The following MSH5 variants were observed in gnomAD, a reference collection of about 807,000 sequenced individuals.
MSH5 encodes the protein mutS homolog 5, also known as mutS protein homolog 5.
MSH5 carries 78 observed loss-of-function variants against 107.7 expected under a neutral mutation model. The observed-to-expected ratio is 0.72, with a 90% CI of 0.60 to 0.87. The LOEUF (loss-of-function observed/expected upper bound fraction) is 0.87. Ranked by LOEUF, MSH5 falls within the 40% of genes least tolerant of loss-of-function variation. The pLI is 0.00. For missense variants in MSH5, 889 were observed against 1,046.6 expected (o/e 0.85, Z 2.08); for synonymous variants, 326 against 399.5 (o/e 0.82, Z 2.19).
At chr6:31,754,012 C>T (rs1261704315) in intron 12 of MSH5, 2 of 183,108 alleles carry the variant, frequency 1.1e-5, no homozygotes, top group African/African-American at 4.7e-5. Context: ...AGGTGTGAAC[C>T]ACCAGGCCCG....
intron 10 of MSH5, 87 bp from the exon 11 acceptor site, chr6:31,753,214 C>T: frequency 3.3e-6 from 5 of 1,495,198 alleles, no homozygotes; most frequent in Non-Finnish European, 4.5e-6. Flanking sequence ...CCACAATCCC[C>T]AGGGACTGCA....
In MSH5 at chr6:31,761,340, G is replaced by A; in HGVS notation, c.2037+78G>A. The A allele has an allele frequency of 6.2e-7, 1 of 1,604,754 alleles. No homozygotes were observed. Among genetic ancestry groups the A allele is most frequent in the South Asian group, 1.1e-5 (1 of 90,742 alleles). On this transcript the variant is annotated intron_variant, in intron 21 of 24. Transcript: ENST00000375750. This position sits in a 1 kb window ranked among gnomAD's most constrained non-coding sequence, Gnocchi z 5.3. ...GATGAAGGAGCATGACAGTGAGGCT[G>A]GGCCTCTGGAATGGAATAGGGCTGT...
chr6:31,741,058 G>A, intron 2 of MSH5, 105 bp from the exon 3 acceptor site: 1 of 1,407,464 alleles, frequency 7.1e-7, no homozygotes. Flanking sequence ...GGGTGATGAT[G>A]CCTATCTCAG....
Position 31,743,099 on chromosome 6 carries a change from C to G in MSH5, c.353-9C>G. The G allele has an allele frequency of 6.2e-7, 1 of 1,612,936 alleles. No individual in the cohort carries two copies. Among genetic ancestry groups the G allele is most frequent in the Non-Finnish European group, 8.5e-7 (1 of 1,180,000 alleles). On this transcript the variant is annotated splice_polypyrimidine_tract_variant and intron_variant, in intron 4 of 24. Coordinates refer to ENST00000375750, the MANE Select transcript of MSH5 (RefSeq NM_172166.4). ...AAAGAATGATAGCCTTTTCTTTCCT[C>G]CCCCACAGCCTCCCAGGAGCACAGA...
intron 12 of MSH5, among the ~76,000 whole-genome samples, chr6:31,755,340 T>TTATTTATG (rs1810357022): frequency 1.2e-5 from 1 of 86,064 alleles, no homozygotes; most frequent in Non-Finnish European, 2.4e-5. Context: ...TTGCTTGCAT[T>TTATTTATG]TATTTATTTA....
At chr6:31,745,629 G>A (rs1554205073) in intron 9 of MSH5, among the ~76,000 whole-genome samples, 2 of 152,116 alleles carry the variant, frequency 1.3e-5, no homozygotes, top group Non-Finnish European at 2.9e-5. Context: ...CTTGTGTATA[G>A]AGAAGAGTTT....
Position 31,761,163 on chromosome 6 carries a change from C to A in MSH5, c.1963-25C>A. The stretch of plus-strand genomic sequence containing the variant: ...GTTACGGGCTTCCAATACTAACTTT[C>A]CCTTGTCCACCTTATACCCAGCAGG... On this transcript the variant is annotated intron_variant, in intron 20 of 24. Coordinates refer to ENST00000375750, the MANE Select transcript of MSH5 (RefSeq NM_172166.4). This position sits in a 1 kb window ranked among gnomAD's most constrained non-coding sequence, Gnocchi z 5.3. The A allele has an allele frequency of 6.2e-7, 1 of 1,610,588 alleles. No individual in the cohort carries two copies. The highest frequency in any genetic ancestry group is 2.2e-5 in the East Asian group (1 of 44,852).
At position 31,761,515 on chromosome 6, in the gene MSH5, T is replaced by C; in HGVS notation, c.2081T>C (p.Leu694Pro). The C allele has an allele frequency of 6.2e-7, 1 of 1,613,794 alleles. No homozygotes were observed. The highest frequency in any genetic ancestry group is 1.3e-5 in the African/African-American group (1 of 75,066). ...CTGGCCGCTGTGCTCCGACACTGGC[T>C]GGCACGTGGACCCACATGCCCCCAC... ...ALLAAVLRHW[L>P]ARGPTCPHIF... Residue 694 changes from leucine (L) to proline (P), a missense_variant, in exon 22 of 25, where the codon CTG (leucine) becomes CCG (proline). Leu to Pro is a moderately conservative substitution (Grantham distance 98). Around this residue, in one of 3 missense-constraint regions of MSH5, gnomAD observed 362 missense variants for 456.2 expected, o/e 0.79. Coordinates refer to ENST00000375750, the MANE Select transcript of MSH5 (RefSeq NM_172166.4). The surrounding 1 kb of genome is among the most constrained non-coding windows in gnomAD (Gnocchi z 5.3).
At position 31,740,048 on chromosome 6, in the gene MSH5, C is replaced by T. The variant is rs1292799637; in HGVS notation, c.-28C>T. On this transcript the variant is annotated 5_prime_UTR_variant, in exon 1 of 25. Coordinates refer to ENST00000375750, the MANE Select transcript of MSH5 (RefSeq NM_172166.4). This position sits in a 1 kb window ranked among gnomAD's most constrained non-coding sequence, Gnocchi z 4.4. The stretch of plus-strand genomic sequence containing the variant: ...GGTCGGTCAGCGGGGCGTTCTCCCA[C>T]CTGTAGCGACTCAGGTTACTGAAAA... The T allele has an allele frequency of 6.4e-6, 1 of 157,436 alleles. No homozygotes were observed. The highest frequency in any genetic ancestry group is 6.5e-5 in the Admixed American group (1 of 15,426). The allele number at this position is 157,436 out of a possible 1,614,324, so 9.8% of individuals were successfully genotyped here.
At chr6:31,744,868 C>T (rs1809271856) in intron 8 of MSH5, among the ~76,000 whole-genome samples, 1 of 152,088 alleles carries the variant, frequency 6.6e-6, no homozygotes, top group South Asian at 2.1e-4. Context: ...AATCCCCGCG[C>T]TTTGGGAGGC....
intron 10 of MSH5, 81 bp downstream of exon 10, chr6:31,747,513 A>G (rs1809569536): frequency 1.4e-6 from 2 of 1,470,480 alleles, no homozygotes; most frequent in Non-Finnish European, 1.9e-6. Flanking sequence ...TAATGGCAGT[A>G]TACAGATTCT....
intron 12 of MSH5, among the ~76,000 whole-genome samples, chr6:31,754,203 G>T (rs1810239110): frequency 6.7e-6 from 1 of 149,448 alleles, no homozygotes; most frequent in Non-Finnish European, 1.5e-5. Flanking sequence ...AGGCTGGATT[G>T]CAGTGGTGCG....
At position 31,740,491 on chromosome 6, in the gene MSH5, A is replaced by T; in HGVS notation, c.25A>T (p.Arg9Trp). ...CATGGCCTCCTTAGGAGCGAACCCAAGGAGGACACCGCAGGGACCGAGACC... is the reference window on the plus strand; with the variant it reads ...CATGGCCTCCTTAGGAGCGAACCCATGGAGGACACCGCAGGGACCGAGACC... MASLGANP[R>W]RTPQGPRPGA... The change falls in exon 2 of 25, where the codon AGG (arginine) becomes TGG (tryptophan). Residue 9 changes from arginine to tryptophan, a missense_variant. Arg to Trp is a moderately radical substitution (Grantham distance 101, BLOSUM62 -3). Transcript: ENST00000375750. This position sits in a 1 kb window ranked among gnomAD's most constrained non-coding sequence, Gnocchi z 4.4. The T allele has an allele frequency of 6.4e-7, 1 of 1,568,830 alleles. No homozygotes were observed. Among genetic ancestry groups the T allele is most frequent in the South Asian group, 1.2e-5 (1 of 85,466 alleles).
chr6:31,762,341 G>C (rs986885504), intron 24 of MSH5, 79 bp from the exon 25 acceptor site: 2 of 1,358,182 alleles, frequency 1.5e-6, no homozygotes, highest in Admixed American at 3.4e-5. Flanking sequence ...CAGGTTTTCT[G>C]TGCCACAGCC....
rs1396095125 is a variant in MSH5 at position 31,759,842 on chromosome 6, G to A, written c.1552G>A (p.Val518Ile). 2 of 1,614,040 alleles carry A rather than the reference G, an allele frequency of 1.2e-6. No homozygotes were observed. The highest frequency in any genetic ancestry group is 2.2e-5 in the East Asian group (1 of 44,890). The change falls in exon 18 of 25, where the codon GTC becomes ATC. Residue 518 changes from valine (V) to isoleucine (I), a missense_variant. Around this residue, in one of 3 missense-constraint regions of MSH5, gnomAD observed 362 missense variants for 456.2 expected, o/e 0.79. Transcript: ENST00000375750. The surrounding 1 kb of genome is among the most constrained non-coding windows in gnomAD (Gnocchi z 4.7). ...GTGCCAGGTGCTGGCACGAGCAGCT[G>A]TCTTAACCCGAGTATTGGACCTTGC... ...LQCQVLARAAVLTRVLDLASR... is the reference protein window; with the variant it reads ...LQCQVLARAAILTRVLDLASR...
At chr6:31,755,383 A>G in intron 12 of MSH5, among the ~76,000 whole-genome samples, 1 of 105,128 alleles carries the variant, frequency 9.5e-6, no homozygotes, top group South Asian at 3.0e-4. Flanking sequence ...TATTTTTGAG[A>G]CGGGATTTTG....
Position 31,760,062 on chromosome 6 carries a change from ATGCGAGGTGCCTCTCCGCCCAC to A in MSH5, c.1686-24_1686-3del. The A allele has an allele frequency of 6.2e-7, 1 of 1,603,772 alleles. No individual in the cohort carries two copies. The highest frequency in any genetic ancestry group is 8.5e-7 in the Non-Finnish European group (1 of 1,173,594). On this transcript the variant is annotated splice_polypyrimidine_tract_variant and splice_region_variant and intron_variant, in intron 18 of 24. Coordinates refer to ENST00000375750, the MANE Select transcript of MSH5 (RefSeq NM_172166.4). The surrounding 1 kb of genome is among the most constrained non-coding windows in gnomAD (Gnocchi z 5.6). ...GTTCATCTATCTTGATCCACAAGCC[ATGCGAGGTGCCTCTCCGCCCAC>A]TGCAGACATCCTCTGATGGAACTCT...
Position 31,759,744 on chromosome 6 carries a change from C to T in MSH5, c.1496-42C>T. The T allele has an allele frequency of 6.2e-7, 1 of 1,602,048 alleles. No individual in the cohort carries two copies. The highest frequency in any genetic ancestry group is 1.1e-5 in the South Asian group (1 of 90,442). The stretch of plus-strand genomic sequence containing the variant: ...GGGCCTCTGCCTCTCCTTCACTTTC[C>T]CCTGGAACTGACCTCCAGCTCCCTT... On this transcript the variant is annotated intron_variant, in intron 17 of 24. Transcript: ENST00000375750. The surrounding 1 kb of genome is among the most constrained non-coding windows in gnomAD (Gnocchi z 4.7).
At chr6:31,750,472 T>A (rs946857554) in intron 10 of MSH5, among the ~76,000 whole-genome samples, 4 of 152,230 alleles carry the variant, frequency 2.6e-5, no homozygotes, top group Non-Finnish European at 5.9e-5. Flanking sequence ...ACTTAGCTGT[T>A]CTCATTGGCG....
Sources: gnomAD v4.1 joint callset for allele counts (sites outside exome capture counted in the v4.1 genomes callset) on GRCh38, gnomAD v4.1.1 for gene constraint, gnomAD v4.1.1 regional missense constraint, Gnocchi (gnomAD v3.1) non-coding constraint, MANE v1.5 for transcripts, NCBI Gene and HGNC (gene_info 2026-07-23, HGNC 2026-07-21) for gene names.